Variants in PDE3B observed in about 807,000 individuals in gnomAD.
PDE3B encodes cGMP-inhibited 3',5'-cyclic phosphodiesterase 3B.
A neutral mutation model predicts 116.8 loss-of-function variants in PDE3B; 66 were observed. The ratio of observed to expected loss-of-function variants is 0.56; its 90% CI spans 0.46 to 0.69. PDE3B has a LOEUF of 0.69. Ranked by LOEUF, PDE3B falls within the 30% of genes least tolerant of loss-of-function variation. The pLI, the probability that PDE3B is intolerant of heterozygous loss-of-function variation, is 0.00. For missense variants in PDE3B, 1,384 were observed against 1,368.1 expected, an observed-to-expected ratio of 1.01 and a Z score of -0.18; for synonymous variants, 595 against 533.6, an observed-to-expected ratio of 1.12 and a Z score of -1.59.
intron 1 of PDE3B, among the ~76,000 whole-genome samples, chr11:14,673,123 A>G (rs961798762): frequency 2.0e-5 from 3 of 152,096 alleles, no homozygotes; most frequent in Admixed American, 6.6e-5. Context: ...CTAAGTAACA[A>G]CATGGATGAC....
chr11:14,778,359 A>G (rs974765073), intron 2 of PDE3B, among the ~76,000 whole-genome samples: 4 of 152,230 alleles, frequency 2.6e-5, no homozygotes, highest in African/African-American at 9.6e-5. Context: ...GAATGGACAG[A>G]CTGCCTCCTC....
chr11:14,891,649 G>T, the PDE3B span: 2 of 1,152,774 alleles, frequency 1.7e-6, no homozygotes, highest in Non-Finnish European at 2.1e-6. Context: ...CGTCCACCCT[G>T]GACCTGAAGT....
Position 14,832,803 on chromosome 11 carries a change from G to A in PDE3B, c.2176G>A (p.Ala726Thr). The A allele has an allele frequency of 6.6e-7, 1 of 1,516,894 alleles. No homozygotes were observed. The highest frequency in any genetic ancestry group is 9.1e-7 in the Non-Finnish European group (1 of 1,103,750). 94.0% of individuals were successfully genotyped at this position (1,516,894 alleles called of 1,614,324 possible). A position where few individuals can be genotyped will look rare whatever the true frequency, so the allele number is the denominator to read the frequency against. The part of the protein sequence containing the change: ...PTQQFMNYFR[A>T]LENGYRDIPY... ...TCAACAATTTATGAACTATTTTCGT[G>A]CATTAGAAAATGGCTATCGAGACAT... Residue 726 changes from alanine (A) to threonine (T), a missense_variant, in exon 10 of 16, where the codon GCA (alanine) becomes ACA (threonine). Ala to Thr is a moderately conservative substitution (Grantham distance 58). Transcript: ENST00000282096.
At chr11:14,760,209 G>C (rs1469720165) in intron 1 of PDE3B, among the ~76,000 whole-genome samples, 1 of 152,114 alleles carries the variant, frequency 6.6e-6, no homozygotes, top group Non-Finnish European at 1.5e-5. Flanking sequence ...GTTGTTTCAA[G>C]TTTTAAGTGA....
downstream of PDE3B, among the ~76,000 whole-genome samples, chr11:14,872,257 A>C (rs1431709147): frequency 1.3e-5 from 2 of 152,232 alleles, no homozygotes; most frequent in Non-Finnish European, 2.9e-5. Context: ...TATAGTTGCC[A>C]GATTAATATA....
At chr11:14,849,657 C>A (rs1368409388) in intron 12 of PDE3B, among the ~76,000 whole-genome samples, 2 of 151,996 alleles carry the variant, frequency 1.3e-5, no homozygotes, top group East Asian at 3.9e-4. Flanking sequence ...AACACACAAC[C>A]CCATCAACAA....
intron 1 of PDE3B, among the ~76,000 whole-genome samples, chr11:14,652,558 A>G (rs1359173285): frequency 6.6e-6 from 1 of 152,164 alleles, no homozygotes; most frequent in African/African-American, 2.4e-5. Context: ...AAAAACCATA[A>G]AATTTACTCT....
At position 14,839,421 on chromosome 11, in the gene PDE3B, C is replaced by T. The variant is rs146912756; in HGVS notation, c.2320+4326C>T. Among the ~76,000 whole-genome samples the T allele has an allele frequency of 2.4e-3, 359 of 152,300 alleles. 3 individuals are homozygous for T. The highest frequency in any genetic ancestry group is 8.2e-3 in the African/African-American group (339 of 41,562). ...TAGATGCAGGAATGGTGATTTCCAT[C>T]ACATTGCTGTTCAACTTAATTATAT... On this transcript the variant is annotated intron_variant, in intron 11 of 15. Transcript: ENST00000282096.
intron 1 of PDE3B, among the ~76,000 whole-genome samples, chr11:14,663,756 C>A (rs1045042437): frequency 6.6e-6 from 1 of 152,024 alleles, no homozygotes; most frequent in African/African-American, 2.4e-5. Flanking sequence ...ACAGGAGCAC[C>A]CAGATTCAGA....
intron 1 of PDE3B, among the ~76,000 whole-genome samples, chr11:14,680,981 C>G (rs2133793799): frequency 6.6e-6 from 1 of 152,198 alleles, no homozygotes; most frequent in African/African-American, 2.4e-5. Context: ...GGTTATGTAT[C>G]CAGATAAACC....
chr11:14,675,015 C>T (rs1854488721), intron 1 of PDE3B, among the ~76,000 whole-genome samples: 1 of 151,998 alleles, frequency 6.6e-6, no homozygotes. Flanking sequence ...ATAAAGGATA[C>T]GGATGTATAA....
intron 1 of PDE3B, among the ~76,000 whole-genome samples, chr11:14,739,483 C>A (rs1856701014): frequency 6.6e-6 from 1 of 152,152 alleles, no homozygotes; most frequent in African/African-American, 2.4e-5. Flanking sequence ...AGTTGCTTAT[C>A]AGCTTAAGGA....
intron 1 of PDE3B, among the ~76,000 whole-genome samples, chr11:14,735,453 G>T (rs577435246): frequency 2.0e-5 from 3 of 152,270 alleles, no homozygotes; most frequent in South Asian, 2.1e-4. Context: ...ATCCTATATA[G>T]AGAGAATATT....
chr11:14,721,813 A>T (rs984097524), intron 1 of PDE3B, among the ~76,000 whole-genome samples: 6 of 125,042 alleles, frequency 4.8e-5, no homozygotes, highest in African/African-American at 9.6e-5. Context: ...ATTGGGAGAT[A>T]TACCTAATGC....
At chr11:14,887,947 T>C in the PDE3B span, among the ~76,000 whole-genome samples, 3 of 152,218 alleles carry the variant, frequency 2.0e-5, no homozygotes, top group Non-Finnish European at 4.4e-5. Context: ...ATTTCATCCT[T>C]GTCTTTTTAC....
intron 1 of PDE3B, among the ~76,000 whole-genome samples, chr11:14,732,463 A>AT (rs1207731567): frequency 6.6e-6 from 1 of 152,192 alleles, no homozygotes; most frequent in African/African-American, 2.4e-5. Context: ...AACAGATTAA[A>AT]TGTACTCTGA....
intron 2 of PDE3B, among the ~76,000 whole-genome samples, chr11:14,782,930 A>G (rs1184748560): frequency 2.6e-5 from 4 of 152,112 alleles, no homozygotes; most frequent in South Asian, 4.1e-4. Context: ...AAATCAAACA[A>G]CCCCATCAAA....
In PDE3B at chr11:14,832,821, C is replaced by T. The variant is rs775044623; in HGVS notation, c.2194C>T (p.Arg732Ter). Reference protein sequence around the residue: ...NYFRALENGYRDIPYHNRIHA... With the variant: ...NYFRALENGY Reference sequence around the variant, plus strand: ...TTTTCGTGCATTAGAAAATGGCTATCGAGACATTCCTTGTAAGTATTAACA... The same window carrying T: ...TTTTCGTGCATTAGAAAATGGCTATTGAGACATTCCTTGTAAGTATTAACA... Residue 732 changes from arginine (R) to a stop codon, truncating the protein, a stop_gained, in exon 10 of 16, where the codon CGA becomes TGA. Coordinates refer to ENST00000282096, the MANE Select transcript of PDE3B (RefSeq NM_000922.4). LOFTEE classifies it high-confidence loss of function. The T allele has an allele frequency of 2.1e-5, 29 of 1,389,560 alleles. No homozygotes were observed. Among genetic ancestry groups the T allele is most frequent in the Non-Finnish European group, 2.8e-5 (28 of 993,432 alleles). The allele number at this position is 1,389,560 out of a possible 1,614,324, so 86.1% of individuals were successfully genotyped here. A position where few individuals can be genotyped will look rare whatever the true frequency, so the allele number is the denominator to read the frequency against.
In PDE3B at chr11:14,643,964, G is replaced by C. The variant is rs2133733548; in HGVS notation, c.-112G>C. On this transcript the variant is annotated 5_prime_UTR_variant, in exon 1 of 16. Coordinates refer to ENST00000282096, the MANE Select transcript of PDE3B (RefSeq NM_000922.4). ...CGTGGCGGCCGGCGCAGCCCTGACGGGTTGCGAACCAGGGGGCGCCCCGAA... is the reference window on the plus strand; with the variant it reads ...CGTGGCGGCCGGCGCAGCCCTGACGCGTTGCGAACCAGGGGGCGCCCCGAA... 7.3e-7 allele frequency: 1 copy of C among 1,367,264 alleles called. No homozygotes were observed. Among genetic ancestry groups the C allele is most frequent in the African/African-American group, 1.5e-5 (1 of 64,990 alleles). 84.7% of individuals were successfully genotyped at this position (1,367,264 alleles called of 1,614,324 possible).
Sources: allele counts gnomAD v4.1 joint callset (sites outside exome capture counted in the v4.1 genomes callset), GRCh38; gene constraint gnomAD v4.1.1; transcripts MANE v1.5; gene names NCBI Gene and HGNC (gene_info 2026-07-23, HGNC 2026-07-21).